SLA: variants seen among roughly 807,000 people sequenced by gnomAD.
SLA encodes the protein src-like-adapter.
In SLA, 16 loss-of-function variants were observed where a neutral mutation model predicts 30.3. The observed-to-expected ratio is 0.53, with a 90% CI of 0.36 to 0.80. SLA has a LOEUF of 0.80. Ranked by LOEUF, SLA falls within the 30% of genes least tolerant of loss-of-function variation. The pLI is 0.01. For missense variants in SLA, 310 were observed against 345.2 expected, an observed-to-expected ratio of 0.90 and a Z score of 0.81; for synonymous variants, 143 against 137.8, an observed-to-expected ratio of 1.04 and a Z score of -0.26.
chr8:133,063,161 C>G lies in SLA; in HGVS notation c.-40-2961G>C, dbSNP rs150479709. ...ACACAGCAAACTGTCCCAACAATGC[C>G]TTCCTGTCCTTTCAGCCTGACTCAT... On this transcript the variant is annotated intron_variant, in intron 2 of 8. Coordinates refer to ENST00000338087, the MANE Select transcript of SLA (RefSeq NM_001045556.3). 7.2e-3 allele frequency among the ~76,000 whole-genome samples: 1,089 copies of G among 151,318 alleles called. 19 individuals are homozygous for G. The highest frequency in any genetic ancestry group is 0.025 in the African/African-American group (1,028 of 40,622).
chr8:133,052,028 C>T (rs1840495940), intron 3 of SLA, among the ~76,000 whole-genome samples: 1 of 152,170 alleles, frequency 6.6e-6, no homozygotes, highest in Non-Finnish European at 1.5e-5. Flanking sequence ...AGGAACTGTT[C>T]CCTGGTTCGC....
chr8:133,096,514 G>A, intron 1 of SLA: 1 of 1,008,268 alleles, frequency 9.9e-7, no homozygotes. Context: ...TTAGGAGGTG[G>A]TAATGGGGGG....
intron 1 of SLA, among the ~76,000 whole-genome samples, chr8:133,092,597 A>G (rs1281615253): frequency 1.3e-5 from 2 of 152,174 alleles, no homozygotes; most frequent in African/African-American, 4.8e-5. Context: ...GCATCTTTGC[A>G]GCAACCCTAT....
intron 3 of SLA, among the ~76,000 whole-genome samples, chr8:133,052,328 T>C (rs912023938): frequency 1.3e-5 from 2 of 152,226 alleles, no homozygotes; most frequent in African/African-American, 4.8e-5. Context: ...TATTGTTCAT[T>C]TGGGGAAGCT....
At chr8:133,067,355 A>G (rs148281452) in intron 2 of SLA, among the ~76,000 whole-genome samples, 2 of 152,172 alleles carry the variant, frequency 1.3e-5, no homozygotes, top group Admixed American at 6.5e-5. Context: ...GCGGCATACC[A>G]GGGGCTCTAG....
At chr8:133,051,055 A>C in intron 3 of SLA, 140 bp from the exon 4 acceptor site, 1 of 622,050 alleles carries the variant, frequency 1.6e-6, no homozygotes. Flanking sequence ...ACCAATTTAC[A>C]GCAAGGTCCT....
chr8:133,085,250 T>C (rs2131563421), intron 1 of SLA, among the ~76,000 whole-genome samples: 1 of 152,338 alleles, frequency 6.6e-6, no homozygotes, highest in South Asian at 2.1e-4. Context: ...TTGTAAAATA[T>C]CTATCTATAG....
Position 133,079,248 on chromosome 8 carries a change from G to A in SLA, c.-318-4118C>T, listed in dbSNP as rs149765178. Among the ~76,000 whole-genome samples the A allele has an allele frequency of 4.5e-3, 684 of 152,328 alleles. 1 individual carries two copies. The highest frequency in any genetic ancestry group is 6.5e-3 in the Non-Finnish European group (443 of 68,026). On this transcript the variant is annotated intron_variant, in intron 1 of 8. Coordinates refer to ENST00000338087, the MANE Select transcript of SLA (RefSeq NM_001045556.3). ...AAGACACCCAGTACCATCTGTGTAG[G>A]AAGCAGCTGATTTCCAGAGGGCTTT...
chr8:133,098,065 A>AT (rs1226267572), intron 1 of SLA, among the ~76,000 whole-genome samples: 1 of 151,998 alleles, frequency 6.6e-6, no homozygotes, highest in Non-Finnish European at 1.5e-5. Context: ...CCATTTCAAC[A>AT]TTTTTTCTGC....
chr8:133,067,852 GAGAAAGAA>G (rs57930573), intron 2 of SLA, among the ~76,000 whole-genome samples: 130 of 131,628 alleles, frequency 9.9e-4, no homozygotes, highest in African/African-American at 3.3e-3. Context: ...CAGAGAGAGA[GAGAAAGAA>G]AGAAAGAAAG....
At chr8:133,100,334 A>G (rs1037703325) in intron 1 of SLA, among the ~76,000 whole-genome samples, 9 of 152,156 alleles carry the variant, frequency 5.9e-5, no homozygotes, top group African/African-American at 1.9e-4. Context: ...ACCCTACCCC[A>G]GCACTCAAAC....
intron 2 of SLA, chr8:133,073,255 G>C (rs1445171736): frequency 6.6e-6 from 1 of 152,030 alleles, no homozygotes; most frequent in African/African-American, 2.4e-5. Context: ...TTGTAGATCT[G>C]TTTAAGATGA....
chr8:133,053,977 G>A lies in SLA; in HGVS notation c.62-3062C>T, dbSNP rs184729272. Among the ~76,000 whole-genome samples the A allele has an allele frequency of 7.9e-5, 12 of 152,216 alleles. No individual in the cohort carries two copies. In the South Asian group the frequency reaches 1.2e-3, roughly 16 times the overall value. ...TCTTTATCATCACCATTAGCCAAAC[G>A]GGACAAAGTCACTGGGAAGGTATTA... On this transcript the variant is annotated intron_variant, in intron 3 of 8. Transcript: ENST00000338087.
chr8:133,051,241 C>T (rs1341252168), intron 3 of SLA, among the ~76,000 whole-genome samples: 3 of 152,142 alleles, frequency 2.0e-5, no homozygotes, highest in Non-Finnish European at 4.4e-5. Flanking sequence ...CTAGCCTCAC[C>T]CTCTCCATCT....
intron 1 of SLA, 121 bp downstream of exon 1, chr8:133,102,432 C>T: frequency 1.2e-6 from 1 of 865,650 alleles, no homozygotes; most frequent in Non-Finnish European, 1.8e-6. Context: ...TTCTTCAGAC[C>T]AAAGACGGAG....
rs767082161 is a variant in SLA at position 133,038,667 on chromosome 8, G to C, written c.688C>G (p.Arg230Gly). The change falls in exon 9 of 9, where the codon CGA (arginine) becomes GGA (glycine). Residue 230 changes from arginine to glycine, a missense_variant. Physicochemically the swap from Arg to Gly is moderately radical, Grantham distance 125. Coordinates refer to ENST00000338087, the MANE Select transcript of SLA (RefSeq NM_001045556.3). ...VDESLFSYGL[R>G]ESIASYLSLT... is the part of the protein sequence containing the mutation. ...GACAGGTAAGAGGCAATGCTCTCTC[G>C]AAGGCCATAGCTGAAAAGGGACTCG... 1 of 1,613,994 alleles carries C rather than the reference G, an allele frequency of 6.2e-7. No homozygotes were observed. The highest frequency in any genetic ancestry group is 1.1e-5 in the South Asian group (1 of 91,078).
At chr8:133,047,290 A>T (rs1564113647) in intron 6 of SLA, 1 of 153,394 alleles carries the variant, frequency 6.5e-6, no homozygotes, top group Non-Finnish European at 1.5e-5. Context: ...GAGAGGACAC[A>T]TGTGATTCTC....
rs1177952159 is a variant in SLA at position 133,037,034 on chromosome 8, T to A, written c.*1490A>T. ...CAGATGTCTCCTTGTATAAACACAC[T>A]AGAATCTATGATACAGAAAACTGTG... On this transcript the variant is annotated 3_prime_UTR_variant, in exon 9 of 9. Coordinates refer to ENST00000338087, the MANE Select transcript of SLA (RefSeq NM_001045556.3). 1 of 152,206 alleles carries A rather than the reference T, an allele frequency of 6.6e-6. No individual in the cohort carries two copies. Among genetic ancestry groups the A allele is most frequent in the Non-Finnish European group, 1.5e-5 (1 of 68,044 alleles). The allele number at this position is 152,206 out of a possible 1,614,324, so 9.4% of individuals were successfully genotyped here.
At chr8:133,042,678 C>CCTTTTTTTTTTTTTTTTTTTTTTTTTT in intron 7 of SLA, among the ~76,000 whole-genome samples, 1 of 56,768 alleles carries the variant, frequency 1.8e-5, no homozygotes, top group Non-Finnish European at 3.2e-5. Flanking sequence ...CATTCTGTGT[C>CCTTTTTTTTTTTTTTTTTTTTTTTTTT]TTTTTTTTTT....
Sources: gnomAD v4.1 joint callset for allele counts (sites outside exome capture counted in the v4.1 genomes callset) on GRCh38, gnomAD v4.1.1 for gene constraint, MANE v1.5 for transcripts, NCBI Gene and HGNC (gene_info 2026-07-23, HGNC 2026-07-21) for gene names.